SIN3A: variants seen among roughly 807,000 people sequenced by gnomAD.
SIN3A encodes the protein SIN3 transcription regulator family member A.
In SIN3A, 14 loss-of-function variants were observed where a neutral mutation model predicts 146.1. The ratio of observed to expected loss-of-function variants is 0.10; its 90% CI spans 0.06 to 0.15. The LOEUF is 0.15. Among genes scored for constraint, SIN3A ranks in the 10% least tolerant of loss-of-function variants. SIN3A has a pLI of 1.00. For missense variants in SIN3A, 1,028 were observed against 1,576.0 expected, an observed-to-expected ratio of 0.65 and a Z score of 5.89; for synonymous variants, 572 against 572.0, an observed-to-expected ratio of 1.00 and a Z score of 0.00.
rs1438912955 is a variant in SIN3A, at chr15:75,422,696, G to A, written c.317C>T (p.Ala106Val). 9.9e-6 allele frequency: 16 copies of A among 1,614,074 alleles called. No individual in the cohort carries two copies. The highest frequency in any genetic ancestry group is 4.0e-5 in the African/African-American group (3 of 74,928). The change falls in exon 3 of 21, where the codon GCC (alanine) becomes GTC (valine). Residue 106 changes from alanine to valine, a missense_variant. By Grantham distance (64) the Ala-to-Val change is moderately conservative. Around this residue, in one of 9 missense-constraint regions of SIN3A, gnomAD observed 152 missense variants for 231.5 expected, o/e 0.66. Coordinates refer to ENST00000394947, the MANE Select transcript of SIN3A (RefSeq NM_001145358.2). ...TCCCTGCACTGGTGCAACTGGTGGG[G>A]CTGGATGAGCATGACTCTGGACCAC... ...GQVVQSHAHPAPPVAPVQGQQ... is the reference protein window; with the variant it reads ...GQVVQSHAHPVPPVAPVQGQQ...
chr15:75,452,264 C>T (rs1326186065), upstream of SIN3A, among the ~76,000 whole-genome samples: 1 of 152,234 alleles, frequency 6.6e-6, no homozygotes, highest in Non-Finnish European at 1.5e-5. Flanking sequence ...GGAGCTAATT[C>T]CACCCTGCGC....
At chr15:75,416,312 AATTCCCTGACTTTATTTACTT>A (rs1221959823) in intron 3 of SIN3A, among the ~76,000 whole-genome samples, 4 of 152,056 alleles carry the variant, frequency 2.6e-5, no homozygotes, top group African/African-American at 9.7e-5. Flanking sequence ...TTATAGAAGA[AATTCCCTGACTTTATTTACTT>A]ATTTATTTAG....
At chr15:75,375,550 C>G in intron 20 of SIN3A, 115 bp downstream of exon 20, 2 of 776,904 alleles carry the variant, frequency 2.6e-6, no homozygotes, top group South Asian at 3.3e-5. Context: ...AGTTAAGTCT[C>G]AGCTCCAAGA....
chr15:75,376,083 T>C, intron 19 of SIN3A: 2 of 596,866 alleles, frequency 3.4e-6, no homozygotes, highest in South Asian at 4.1e-5. Context: ...CATCCCCTAC[T>C]TGACTTAGCA....
intron 8 of SIN3A, among the ~76,000 whole-genome samples, chr15:75,407,556 C>A (rs2073537758): frequency 6.6e-6 from 1 of 152,046 alleles, no homozygotes; most frequent in African/African-American, 2.4e-5. Context: ...TGACAGAAAT[C>A]AATCTTTAAC....
Position 75,372,014 on chromosome 15 carries a change from G to C in SIN3A, c.3787C>G (p.Arg1263Gly). 1 of 1,614,216 alleles carries C rather than the reference G, an allele frequency of 6.2e-7. No homozygotes were observed. Among genetic ancestry groups the C allele is most frequent in the Non-Finnish European group, 8.5e-7 (1 of 1,180,038 alleles). Residue 1263 changes from arginine to glycine, a missense_variant, in exon 21 of 21, where the codon CGT (arginine) becomes GGT (glycine). Arg to Gly is a moderately radical substitution (Grantham distance 125, BLOSUM62 -2). This residue lies in a region of SIN3A where 488 missense variants were observed against 690.2 expected (regional missense o/e 0.71). Transcript: ENST00000394947. ...TLHFVSINKY[R>G]VKYGTVFKAP ...TTGAATACTGTGCCGTATTTGACAC[G>C]ATACTTGTTAATGCTCACAAAATGC...
intron 10 of SIN3A, among the ~76,000 whole-genome samples, chr15:75,401,575 A>C (rs971944718): frequency 6.6e-6 from 1 of 152,182 alleles, no homozygotes; most frequent in African/African-American, 2.4e-5. Context: ...AAAATTCCAG[A>C]ACTCTGGGAG....
At chr15:75,419,345 T>C (rs1395623715) in intron 3 of SIN3A, 3 of 152,180 alleles carry the variant, frequency 2.0e-5, no homozygotes, top group Non-Finnish European at 4.4e-5. Context: ...TATTTAAGAA[T>C]AGCATGCATC....
At chr15:75,455,133 G>A (rs956575347), upstream of SIN3A, 1 of 150,234 alleles carries the variant, frequency 6.7e-6, no homozygotes, top group East Asian at 2.0e-4. Flanking sequence ...CCTCTCCGGA[G>A]CGCGCCCACC....
At chr15:75,382,762 C>T (rs529635709) in intron 17 of SIN3A, among the ~76,000 whole-genome samples, 3 of 152,224 alleles carry the variant, frequency 2.0e-5, no homozygotes, top group South Asian at 4.1e-4. Flanking sequence ...GCCTGCCCAA[C>T]ATGGTGAAAC....
In SIN3A at chr15:75,429,574, C is replaced by G. The variant is rs551406681; in HGVS notation, c.189+613G>C. On this transcript the variant is annotated intron_variant, in intron 2 of 20. Coordinates refer to ENST00000394947, the MANE Select transcript of SIN3A (RefSeq NM_001145358.2). ...TCTTTTTTAAAAATAAATAGCAAAA[C>G]TGTCTTAATAAGTGCGTTGATTTAA... Among the ~76,000 whole-genome samples, 7 of 152,258 alleles carry G rather than the reference C, an allele frequency of 4.6e-5. No individual in the cohort carries two copies. In the East Asian group the frequency reaches 1.3e-3, roughly 29 times the overall value.
chr15:75,392,189 C>T lies in SIN3A; in HGVS notation c.2851+53G>A, dbSNP rs948452698. The T allele has an allele frequency of 6.5e-6, 10 of 1,533,704 alleles. No individual in the cohort carries two copies. The East Asian group carries it at 2.3e-4, about 35-fold the overall frequency. ...GAAGCAGTCCCAAGTCTAGGTGGCT[C>T]TAAGGTCCTCAACCTCACACATCCT... On this transcript the variant is annotated intron_variant, in intron 15 of 20. Coordinates refer to ENST00000394947, the MANE Select transcript of SIN3A (RefSeq NM_001145358.2).
chr15:75,454,558 C>T (rs2074460628), upstream of SIN3A, among the ~76,000 whole-genome samples: 1 of 151,470 alleles, frequency 6.6e-6, no homozygotes, highest in African/African-American at 2.4e-5. Context: ...CAGGCGCGCC[C>T]CCCGCGCCCC....
intron 16 of SIN3A, 103 bp from the exon 17 acceptor site, chr15:75,384,540 T>A: frequency 5.8e-6 from 1 of 172,610 alleles, no homozygotes; most frequent in Non-Finnish European, 1.0e-5. Context: ...AAAAGGTTTT[T>A]CTTTTTTTGG....
At chr15:75,389,340 G>T (rs977865427) in intron 16 of SIN3A, among the ~76,000 whole-genome samples, 1 of 151,696 alleles carries the variant, frequency 6.6e-6, no homozygotes, top group African/African-American at 2.4e-5. Context: ...TATGGAAGAC[G>T]CAATGTTCCA....
intron 13 of SIN3A, among the ~76,000 whole-genome samples, chr15:75,395,806 G>A (rs962761395): frequency 1.3e-4 from 20 of 152,310 alleles, no homozygotes; most frequent in Middle Eastern, 6.8e-3. Context: ...TCGGGAGGCT[G>A]AGGTGGGAGG....
In SIN3A at chr15:75,390,620, G is replaced by T. The variant is rs557883763; in HGVS notation, c.2852-799C>A. Among the ~76,000 whole-genome samples, 228 of 152,296 alleles carry T rather than the reference G, an allele frequency of 1.5e-3. 1 individual carries two copies. Among genetic ancestry groups the T allele is most frequent in the African/African-American group, 5.3e-3 (219 of 41,558 alleles). On this transcript the variant is annotated intron_variant, in intron 15 of 20. Coordinates refer to ENST00000394947, the MANE Select transcript of SIN3A (RefSeq NM_001145358.2). ...GTTAGAAATCAACAAAGTGGAAAAA[G>T]GACTGGTTATCAGAGTACTGGTTAT...
chr15:75,435,222 C>A lies in SIN3A; in HGVS notation c.-33-4814G>T, dbSNP rs539594319. ...TTTGGAATACTGAAACTATCAATTC[C>A]ACTTTCAGGCCTGTATCCTACACAT... On this transcript the variant is annotated intron_variant, in intron 1 of 20. Coordinates refer to ENST00000394947, the MANE Select transcript of SIN3A (RefSeq NM_001145358.2). 2.6e-5 allele frequency among the ~76,000 whole-genome samples: 4 copies of A among 151,764 alleles called. No homozygotes were observed. In the East Asian group the frequency reaches 7.7e-4, roughly 29 times the overall value.
intron 19 of SIN3A, among the ~76,000 whole-genome samples, 192 bp downstream of exon 19, chr15:75,380,437 C>T (rs1361691626): frequency 6.6e-6 from 1 of 152,212 alleles, no homozygotes; most frequent in African/African-American, 2.4e-5. Flanking sequence ...CAACTCTCAC[C>T]TCCCAGATGC....
Sources: allele counts gnomAD v4.1 joint callset (sites outside exome capture counted in the v4.1 genomes callset), GRCh38; gene constraint gnomAD v4.1.1; regional missense constraint gnomAD v4.1.1; transcripts MANE v1.5; gene names NCBI Gene and HGNC (gene_info 2026-07-23, HGNC 2026-07-21).